The following CFAP61 variants were observed in gnomAD, a reference collection of about 807,000 sequenced individuals.
The protein encoded by CFAP61 is cilia- and flagella-associated protein 61.
CFAP61 carries 107 observed loss-of-function variants against 135.6 expected under a neutral mutation model. That is an observed-to-expected ratio of 0.79 (90% confidence interval 0.67 to 0.93). CFAP61 has a LOEUF of 0.93. Ranked by LOEUF, CFAP61 falls within the 40% of genes least tolerant of loss-of-function variation. CFAP61 has a pLI of 0.00. For missense variants in CFAP61, 1,507 were observed against 1,556.2 expected, an observed-to-expected ratio of 0.97 and a Z score of 0.53; for synonymous variants, 575 against 578.5, an observed-to-expected ratio of 0.99 and a Z score of 0.09.
intron 8 of CFAP61, among the ~76,000 whole-genome samples, chr20:20,107,455 G>A (rs1256918253): frequency 6.6e-6 from 1 of 151,874 alleles, no homozygotes; most frequent in African/African-American, 2.4e-5. Flanking sequence ...AATAGATTCA[G>A]GTTTTCTATT....
chr20:20,268,662 A>C (rs2053011413), intron 21 of CFAP61, among the ~76,000 whole-genome samples: 1 of 152,188 alleles, frequency 6.6e-6, no homozygotes, highest in South Asian at 2.1e-4. Flanking sequence ...TCACAGGCTC[A>C]AATGCTGCTT....
At chr20:20,168,750 A>G (rs1465623777) in intron 12 of CFAP61, among the ~76,000 whole-genome samples, 1 of 152,184 alleles carries the variant, frequency 6.6e-6, no homozygotes, top group Admixed American at 6.5e-5. Context: ...GACATGCAAG[A>G]CCTCTTATGT....
chr20:20,324,383 T>C (rs1162010547), intron 25 of CFAP61, among the ~76,000 whole-genome samples: 3 of 152,182 alleles, frequency 2.0e-5, no homozygotes, highest in African/African-American at 7.2e-5. Context: ...TTCCTTCTAG[T>C]TTTTTCACTT....
intron 15 of CFAP61, among the ~76,000 whole-genome samples, chr20:20,193,390 G>A (rs1000136119): frequency 5.3e-5 from 8 of 151,806 alleles, no homozygotes; most frequent in Admixed American, 6.6e-5. Context: ...TTTTGACATC[G>A]AGATGTTCAC....
At position 20,288,636 on chromosome 20, in the gene CFAP61, G is replaced by A; in HGVS notation, c.2824G>A (p.Val942Met). 6.2e-7 allele frequency: 1 copy of A among 1,613,620 alleles called. No individual in the cohort carries two copies. Among genetic ancestry groups the A allele is most frequent in the Non-Finnish European group, 8.5e-7 (1 of 1,179,506 alleles). The change falls in exon 23 of 27, where the codon GTG (valine) becomes ATG (methionine). Residue 942 changes from valine (V) to methionine (M), a missense_variant. Val to Met is a conservative substitution (Grantham distance 21). Transcript: ENST00000245957. Reference protein sequence around the residue: ...SMFFSFCEKNVDYETFKALND... With the variant: ...SMFFSFCEKNMDYETFKALND... ...GTTCTTCAGCTTCTGTGAGAAGAAT[G>A]TGGATTATGAAACGTTTAAAGCCCT...
At chr20:20,261,537 C>T (rs777642653) in intron 20 of CFAP61, among the ~76,000 whole-genome samples, 1 of 152,218 alleles carries the variant, frequency 6.6e-6, no homozygotes, top group Non-Finnish European at 1.5e-5. Context: ...CTCCTCATAA[C>T]TGCCACCTGG....
chr20:20,057,042 CAA>C (rs763607177), intron 2 of CFAP61, among the ~76,000 whole-genome samples: 10 of 148,778 alleles, frequency 6.7e-5, no homozygotes, highest in Non-Finnish European at 1.5e-4. Context: ...CGCTTGAACA[CAA>C]GAGGCAGAGG....
At chr20:20,084,298 T>C (rs2046639285) in intron 6 of CFAP61, among the ~76,000 whole-genome samples, 1 of 152,230 alleles carries the variant, frequency 6.6e-6, no homozygotes, top group Non-Finnish European at 1.5e-5. Context: ...TTTACAACTG[T>C]ACATTTTAAA....
At chr20:20,310,511 G>A (rs569735058) in intron 25 of CFAP61, among the ~76,000 whole-genome samples, 6 of 152,322 alleles carry the variant, frequency 3.9e-5, no homozygotes, top group African/African-American at 1.4e-4. Context: ...TCTCAGCTAA[G>A]GTTCCACTGC....
At chr20:20,089,386 T>TTA (rs11473166) in intron 6 of CFAP61, among the ~76,000 whole-genome samples, 7,091 of 148,090 alleles carry the variant, frequency 0.048, 274 homozygotes, top group African/African-American at 0.11. Flanking sequence ...GCCCTGAGCT[T>TTA]TATATATATA....
chr20:20,071,699 T>C (rs551636276), intron 3 of CFAP61, among the ~76,000 whole-genome samples: 45 of 152,292 alleles, frequency 3.0e-4, no homozygotes, highest in Middle Eastern at 3.4e-3. Flanking sequence ...GAAAAGGGAA[T>C]GCCCAATGAG....
At chr20:20,336,540 A>G (rs377745153) in intron 25 of CFAP61, among the ~76,000 whole-genome samples, 142 of 152,164 alleles carry the variant, frequency 9.3e-4, no homozygotes, top group African/African-American at 3.3e-3. Flanking sequence ...CAGGAGGATC[A>G]CTTAAGCCCA....
intron 20 of CFAP61, among the ~76,000 whole-genome samples, chr20:20,257,199 C>T (rs1044168362): frequency 2.0e-5 from 3 of 152,172 alleles, no homozygotes; most frequent in African/African-American, 7.2e-5. Flanking sequence ...TATGTGTCCA[C>T]CTAAATCTCT....
At chr20:20,130,691 T>A (rs2050454596) in intron 8 of CFAP61, among the ~76,000 whole-genome samples, 1 of 151,758 alleles carries the variant, frequency 6.6e-6, no homozygotes, top group Non-Finnish European at 1.5e-5. Flanking sequence ...CCATCCTGAA[T>A]GGAGGAGGTC....
intron 26 of CFAP61, among the ~76,000 whole-genome samples, chr20:20,356,536 G>A (rs1411008573): frequency 6.9e-4 from 70 of 100,732 alleles, no homozygotes; most frequent in East Asian, 9.9e-4. Flanking sequence ...ACAGTGTGAG[G>A]GGAGGTGGTC....
Position 20,199,704 on chromosome 20 carries a change from G to A in CFAP61, c.1798-64G>A, listed in dbSNP as rs1226120868. Reference sequence around the variant, plus strand: ...GAGTTTTGTATTTGTAAAGCTGTACGCAGACATCTGTGCTGAGCCTCTCTG... The same window carrying A: ...GAGTTTTGTATTTGTAAAGCTGTACACAGACATCTGTGCTGAGCCTCTCTG... On this transcript the variant is annotated intron_variant, in intron 16 of 26. Coordinates refer to ENST00000245957, the MANE Select transcript of CFAP61 (RefSeq NM_015585.4). 10 of 1,578,640 alleles carry A rather than the reference G, an allele frequency of 6.3e-6. No individual in the cohort carries two copies. In the African/African-American group the frequency reaches 6.8e-5, roughly 11 times the overall value.
At position 20,164,124 on chromosome 20, in the gene CFAP61, G is replaced by C. The variant is rs771341262; in HGVS notation, c.1101G>C (p.Ser367=). 1.9e-6 allele frequency: 3 copies of C among 1,613,802 alleles called. No individual in the cohort carries two copies. The African/African-American group carries it at 4.0e-5, about 22-fold the overall frequency. The part of the protein sequence containing the change: ...YHHVSSRSLA[S]LVLPEEPVHF... ...ATGTCAGCAGTAGGAGCTTGGCATC[G>C]CTCGTACTGCCTGAAGAGCCCGTCC... The change falls in exon 11 of 27, where the codon TCG becomes TCC. Residue 367 remains serine, a synonymous_variant. Coordinates refer to ENST00000245957, the MANE Select transcript of CFAP61 (RefSeq NM_015585.4).
At chr20:20,148,109 A>G (rs548108335) in intron 9 of CFAP61, among the ~76,000 whole-genome samples, 32 of 152,298 alleles carry the variant, frequency 2.1e-4, no homozygotes, top group Non-Finnish European at 2.6e-4. Flanking sequence ...CTGTTGGTCT[A>G]CATGCCTATT....
intron 18 of CFAP61, among the ~76,000 whole-genome samples, chr20:20,230,223 C>T (rs566833764): frequency 6.6e-6 from 1 of 152,246 alleles, no homozygotes; most frequent in South Asian, 2.1e-4. Flanking sequence ...CTTTTTAAAG[C>T]ATTCTAAAAT....
Sources: gnomAD v4.1 joint callset for allele counts (sites outside exome capture counted in the v4.1 genomes callset) on GRCh38, gnomAD v4.1.1 for gene constraint, MANE v1.5 for transcripts, NCBI Gene and HGNC (gene_info 2026-07-23, HGNC 2026-07-21) for gene names.